Variants in CCDC81 observed in about 807,000 individuals in gnomAD.
CCDC81 encodes coiled-coil domain-containing protein 81.
Under a neutral mutation model 83.7 loss-of-function variants are expected in CCDC81, and 79 were observed. The observed-to-expected ratio is 0.94, with a 90% CI of 0.79 to 1.14. The LOEUF is 1.14. CCDC81 is among the 50% of genes most tolerant of loss of function. CCDC81 has a pLI of 0.00. For missense variants in CCDC81, 791 were observed against 778.1 expected, an observed-to-expected ratio of 1.02 and a Z score of -0.20; for synonymous variants, 252 against 278.1, an observed-to-expected ratio of 0.91 and a Z score of 0.93.
chr11:86,395,752 A>G (rs1948398995), intron 5 of CCDC81, among the ~76,000 whole-genome samples: 1 of 152,124 alleles, frequency 6.6e-6, no homozygotes, highest in Admixed American at 6.5e-5. Context: ...CCTTTGGAGT[A>G]GCTGAGATTA....
chr11:86,414,912 C>A, intron 12 of CCDC81, 45 bp downstream of exon 12: 1 of 1,479,978 alleles, frequency 6.8e-7, no homozygotes, highest in Non-Finnish European at 9.3e-7. Context: ...TGCAATGCAT[C>A]AATAACATCC....
chr11:86,379,501 G>A (rs572106906), intron 1 of CCDC81, among the ~76,000 whole-genome samples: 3 of 152,302 alleles, frequency 2.0e-5, no homozygotes, highest in Admixed American at 6.5e-5. Context: ...TTCACAGGTA[G>A]TGTGATTGTT....
intron 7 of CCDC81, among the ~76,000 whole-genome samples, chr11:86,406,125 T>C (rs1948562649): frequency 6.6e-6 from 1 of 152,234 alleles, no homozygotes. Flanking sequence ...GTATATCCTG[T>C]AATGGTTCCC....
At chr11:86,415,725 G>GTGGCCCA (rs1948710399) in intron 13 of CCDC81, among the ~76,000 whole-genome samples, 2 of 152,136 alleles carry the variant, frequency 1.3e-5, no homozygotes, top group South Asian at 4.1e-4. Context: ...CCAGGCTGGA[G>GTGGCCCA]TGCAGTGGCA....
At chr11:86,419,866 C>A (rs879396499) in intron 13 of CCDC81, 62 bp from the exon 14 acceptor site, 28 of 1,514,878 alleles carry the variant, frequency 1.8e-5, no homozygotes, top group Non-Finnish European at 2.3e-5. Context: ...AGGAATGGGG[C>A]TCCCAAATTT....
At chr11:86,421,477 T>G (rs1476113863) in intron 14 of CCDC81, among the ~76,000 whole-genome samples, 3 of 152,140 alleles carry the variant, frequency 2.0e-5, no homozygotes, top group Non-Finnish European at 4.4e-5. Flanking sequence ...GCCTGGCTAA[T>G]TTTTTGTGTT....
At chr11:86,403,219 T>C (rs1440712721) in intron 7 of CCDC81, among the ~76,000 whole-genome samples, 1 of 152,078 alleles carries the variant, frequency 6.6e-6, no homozygotes, top group Admixed American at 6.5e-5. Flanking sequence ...GCTTGAATCC[T>C]GTGTCCTTTT....
chr11:86,384,120 G>A (rs1436014266), intron 1 of CCDC81, among the ~76,000 whole-genome samples: 1 of 152,216 alleles, frequency 6.6e-6, no homozygotes, highest in Admixed American at 6.5e-5. Flanking sequence ...TTTTAGAGGT[G>A]AAAGACTGTT....
intron 9 of CCDC81, 47 bp from the exon 10 acceptor site, chr11:86,409,214 T>C: frequency 1.0e-6 from 1 of 997,678 alleles, no homozygotes; most frequent in Non-Finnish European, 1.4e-6. Flanking sequence ...CACTTCAATA[T>C]GTAATTTAAA....
intron 14 of CCDC81, among the ~76,000 whole-genome samples, chr11:86,420,870 T>A (rs1044784967): frequency 2.6e-5 from 4 of 152,196 alleles, no homozygotes; most frequent in Admixed American, 1.3e-4. Context: ...AGAAGTGGAC[T>A]CATTTGGCTT....
chr11:86,385,062 C>T (rs1948222958), intron 1 of CCDC81, among the ~76,000 whole-genome samples: 1 of 152,180 alleles, frequency 6.6e-6, no homozygotes, highest in South Asian at 2.1e-4. Flanking sequence ...AAGTAAAGCT[C>T]CTTGTCCTAC....
chr11:86,407,613 G>C lies in CCDC81; in HGVS notation c.882-1G>C. On this transcript the variant is annotated splice_acceptor_variant, in intron 7 of 14. Transcript: ENST00000445632. LOFTEE classifies it high-confidence loss of function. The stretch of plus-strand genomic sequence containing the variant: ...TAATTAATGTTGCATTGTTTTTATA[G>C]CTTATCATATCCAAGTTGTCTGAAA... 1 of 1,605,036 alleles carries C rather than the reference G, an allele frequency of 6.2e-7. No homozygotes were observed. The highest frequency in any genetic ancestry group is 1.3e-5 in the African/African-American group (1 of 74,744).
chr11:86,422,909 T>A lies in CCDC81; in HGVS notation c.*194T>A. 1.7e-6 allele frequency: 1 copy of A among 580,588 alleles called. No homozygotes were observed. Among genetic ancestry groups the A allele is most frequent in the African/African-American group, 1.9e-5 (1 of 53,512 alleles). The allele number at this position is 580,588 out of a possible 1,614,324, so 36.0% of individuals were successfully genotyped here. On this transcript the variant is annotated 3_prime_UTR_variant, in exon 15 of 15. Coordinates refer to ENST00000445632, the MANE Select transcript of CCDC81 (RefSeq NM_001156474.2). ...TCCCACCCCCAATTATTTCCTATAC[T>A]AGTTTCTGATGGCAGTGAAGGTGTC...
Position 86,411,479 on chromosome 11 carries a change from T to A in CCDC81, c.1219-908T>A, listed in dbSNP as rs555100660. The stretch of plus-strand genomic sequence containing the variant: ...ACCTGATGTACCGTTTCTTGCTCAT[T>A]GTCTGTCTCCTGCATCAGCATGCAG... On this transcript the variant is annotated intron_variant, in intron 10 of 14. Coordinates refer to ENST00000445632, the MANE Select transcript of CCDC81 (RefSeq NM_001156474.2). Among the ~76,000 whole-genome samples the A allele has an allele frequency of 3.3e-4, 50 of 152,352 alleles. No individual in the cohort carries two copies. The South Asian group carries it at 8.7e-3, about 27-fold the overall frequency.
chr11:86,422,831 G>A lies in CCDC81; in HGVS notation c.*116G>A. On this transcript the variant is annotated 3_prime_UTR_variant, in exon 15 of 15. Transcript: ENST00000445632. ...AGAAAAAAATCATTGTTTAGGTTTGGTGCTTTCATTAGATTGCTTGTTAAG... is the reference window on the plus strand; with the variant it reads ...AGAAAAAAATCATTGTTTAGGTTTGATGCTTTCATTAGATTGCTTGTTAAG... 9.4e-7 allele frequency: 1 copy of A among 1,058,806 alleles called. No homozygotes were observed. The highest frequency in any genetic ancestry group is 1.4e-6 in the Non-Finnish European group (1 of 736,884). The allele number at this position is 1,058,806 out of a possible 1,614,324, so 65.6% of individuals were successfully genotyped here.
In CCDC81 at chr11:86,415,285, T is replaced by A; in HGVS notation, c.1663T>A (p.Leu555Met). 1.2e-6 allele frequency: 2 copies of A among 1,614,062 alleles called. No individual in the cohort carries two copies. The highest frequency in any genetic ancestry group is 2.2e-5 in the South Asian group (2 of 91,064). The change falls in exon 13 of 15, where the codon TTG becomes ATG. Residue 555 changes from leucine (L) to methionine (M), a missense_variant. Leu to Met is a conservative substitution (Grantham distance 15). Coordinates refer to ENST00000445632, the MANE Select transcript of CCDC81 (RefSeq NM_001156474.2). Reference protein sequence around the residue: ...LHQLVDQRRDLQMLQRTQREH... With the variant: ...LHQLVDQRRDMQMLQRTQREH... ...TCAACTAGTGGACCAGAGGCGGGAT[T>A]TGCAAATGCTTCAGAGGACACAAAG...
intron 5 of CCDC81, among the ~76,000 whole-genome samples, chr11:86,396,754 C>T (rs1027099015): frequency 6.6e-6 from 1 of 152,142 alleles, no homozygotes; most frequent in African/African-American, 2.4e-5. Context: ...GTCCAGTGTT[C>T]TTTCCATTGC....
chr11:86,419,001 A>G (rs1187218051), intron 13 of CCDC81: 3 of 152,216 alleles, frequency 2.0e-5, no homozygotes, highest in African/African-American at 7.2e-5. Context: ...TCTTTATAAT[A>G]ACCATACAAT....
chr11:86,388,604 T>A (rs1948281002), intron 3 of CCDC81, among the ~76,000 whole-genome samples: 2 of 152,232 alleles, frequency 1.3e-5, no homozygotes. Context: ...AAGAATGATA[T>A]ATTAGAAAAA....
Sources: gnomAD v4.1 joint callset for allele counts (sites outside exome capture counted in the v4.1 genomes callset) on GRCh38, gnomAD v4.1.1 for gene constraint, MANE v1.5 for transcripts, NCBI Gene and HGNC (gene_info 2026-07-23, HGNC 2026-07-21) for gene names.